MARCHF3: variants seen among roughly 807,000 people sequenced by gnomAD.
MARCHF3 encodes the protein E3 ubiquitin-protein ligase MARCHF3.
In MARCHF3, 13 loss-of-function variants were observed where a neutral mutation model predicts 24.2. That is an observed-to-expected ratio of 0.54 (90% CI 0.35 to 0.85). MARCHF3 has a LOEUF of 0.85. MARCHF3 is among the 40% of genes least tolerant of loss of function. MARCHF3 has a pLI of 0.01. For synonymous variants in MARCHF3, 144 were observed against 137.3 expected, an observed-to-expected ratio of 1.05 and a Z score of -0.34; for missense variants, 276 against 325.0, an observed-to-expected ratio of 0.85 and a Z score of 1.16.
intron 1 of MARCHF3, among the ~76,000 whole-genome samples, chr5:126,935,236 A>G (rs1455298931): frequency 6.6e-6 from 1 of 152,202 alleles, no homozygotes; most frequent in East Asian, 1.9e-4. Context: ...TTTAACATTC[A>G]AATTGATAGG....
chr5:126,896,018 G>A (rs140571133), intron 3 of MARCHF3, among the ~76,000 whole-genome samples: 35 of 152,272 alleles, frequency 2.3e-4, no homozygotes, highest in African/African-American at 7.5e-4. Context: ...CTGGTGCGCC[G>A]TTTTTTAAGC....
At chr5:126,919,688 G>A (rs540916851) in intron 1 of MARCHF3, among the ~76,000 whole-genome samples, 26 of 152,226 alleles carry the variant, frequency 1.7e-4, no homozygotes, top group South Asian at 1.2e-3. Flanking sequence ...CTCCCGACAC[G>A]CACATGTCAA....
At chr5:126,928,026 G>A (rs1749352337) in intron 1 of MARCHF3, among the ~76,000 whole-genome samples, 1 of 152,166 alleles carries the variant, frequency 6.6e-6, no homozygotes, top group Non-Finnish European at 1.5e-5. Flanking sequence ...TAGCAACAGT[G>A]TGAGTGTATT....
At position 126,871,712 on chromosome 5, in the gene MARCHF3, C is replaced by CT. The variant is rs368757054; in HGVS notation, c.604-922dup. ...CTGCTTCAAACTTAAGCCTCTCTCT[C>CT]TTTTTTTTTTTTTTGGATGGAGTCT... On this transcript the variant is annotated intron_variant, in intron 4 of 4. Coordinates refer to ENST00000308660, the MANE Select transcript of MARCHF3 (RefSeq NM_178450.5). Among the ~76,000 whole-genome samples, 1,070 of 143,050 alleles carry CT rather than the reference C, an allele frequency of 7.5e-3. 7 individuals carry two copies. Among genetic ancestry groups the CT allele is most frequent in the Middle Eastern group, 0.034 (9 of 266 alleles). 93.8% of individuals were successfully genotyped at this position (143,050 alleles called of 152,430 possible).
At chr5:126,901,514 C>T (rs1754106556) in intron 3 of MARCHF3, among the ~76,000 whole-genome samples, 1 of 152,128 alleles carries the variant, frequency 6.6e-6, no homozygotes. Context: ...TCTCTCTGCT[C>T]ACTCGTTTAC....
intron 3 of MARCHF3, among the ~76,000 whole-genome samples, chr5:126,913,724 C>T (rs947199883): frequency 6.6e-6 from 1 of 152,210 alleles, no homozygotes; most frequent in African/African-American, 2.4e-5. Context: ...CAAGGTCAAA[C>T]CCAAGAGAAT....
intron 1 of MARCHF3, among the ~76,000 whole-genome samples, chr5:126,937,057 A>G (rs60781824): frequency 0.051 from 7,804 of 152,284 alleles, 372 homozygotes; most frequent in South Asian, 0.14. Context: ...TAATATATAA[A>G]AACTAAATCA....
At chr5:126,917,868 C>T in intron 2 of MARCHF3, 116 bp downstream of exon 2, 1 of 1,017,476 alleles carries the variant, frequency 9.8e-7, no homozygotes, top group Non-Finnish European at 1.4e-6. Context: ...TTTCCAGCAC[C>T]TCCTCTCACC....
intron 3 of MARCHF3, among the ~76,000 whole-genome samples, chr5:126,913,987 T>C (rs936899296): frequency 2.1e-5 from 3 of 143,692 alleles, no homozygotes; most frequent in Non-Finnish European, 1.5e-5. Context: ...TTTTTTTTTT[T>C]TTTTTTTTTT....
chr5:126,961,783 A>G (rs1395886213), intron 1 of MARCHF3, among the ~76,000 whole-genome samples: 1 of 152,210 alleles, frequency 6.6e-6, no homozygotes, highest in Non-Finnish European at 1.5e-5. Flanking sequence ...TTCATTTCTG[A>G]ATGCAATATG....
intron 1 of MARCHF3, among the ~76,000 whole-genome samples, chr5:126,984,551 G>C (rs1751498444): frequency 6.6e-6 from 1 of 152,220 alleles, no homozygotes; most frequent in Admixed American, 6.5e-5. Context: ...GGGCTTCCAG[G>C]GCGGGCCCCT....
In MARCHF3 at chr5:126,890,947, C is replaced by T. The variant is rs1264820159; in HGVS notation, c.394-12553G>A. Among the ~76,000 whole-genome samples, 5 of 149,566 alleles carry T rather than the reference C, an allele frequency of 3.3e-5. No homozygotes were observed. The East Asian group carries it at 9.9e-4, about 30-fold the overall frequency. The stretch of plus-strand genomic sequence containing the variant: ...TATTTCTCCACATCCTCTCCAGCAC[C>T]TGTTGTTTCCTGACTTTTTAATGAT... On this transcript the variant is annotated intron_variant, in intron 3 of 4. Transcript: ENST00000308660.
intron 1 of MARCHF3, among the ~76,000 whole-genome samples, chr5:126,945,754 G>T (rs984137335): frequency 1.3e-5 from 2 of 152,122 alleles, no homozygotes; most frequent in African/African-American, 4.8e-5. Context: ...CTTTCAGCTG[G>T]GTGACAGCAG....
chr5:126,943,581 T>C (rs1410447832), intron 1 of MARCHF3, among the ~76,000 whole-genome samples: 1 of 145,550 alleles, frequency 6.9e-6, no homozygotes, highest in African/African-American at 2.6e-5. Flanking sequence ...AGATCTCATC[T>C]CCAAAAAAAA....
At chr5:126,975,356 TTTAA>T (rs770305482) in intron 1 of MARCHF3, among the ~76,000 whole-genome samples, 5 of 152,242 alleles carry the variant, frequency 3.3e-5, no homozygotes, top group African/African-American at 1.2e-4. Flanking sequence ...TTCTTCTCTT[TTTAA>T]TTGACACAAA....
At chr5:126,935,710 A>C (rs1209822195) in intron 1 of MARCHF3, among the ~76,000 whole-genome samples, 1 of 138,560 alleles carries the variant, frequency 7.2e-6, no homozygotes, top group Non-Finnish European at 1.5e-5. Flanking sequence ...TCCTGGGTTC[A>C]AGCGATTCTC....
chr5:127,001,184 G>A (rs953314105), intron 1 of MARCHF3, among the ~76,000 whole-genome samples: 1 of 151,824 alleles, frequency 6.6e-6, no homozygotes, highest in African/African-American at 2.4e-5. Flanking sequence ...GTTGCAGTGA[G>A]CTGAGATTGT....
chr5:126,982,112 C>T (rs1026111457), intron 1 of MARCHF3, among the ~76,000 whole-genome samples: 2 of 152,144 alleles, frequency 1.3e-5, no homozygotes, highest in East Asian at 1.9e-4. Context: ...AACCTGGTTC[C>T]GCTGTCCAAA....
intron 4 of MARCHF3, among the ~76,000 whole-genome samples, 188 bp downstream of exon 4, chr5:126,877,997 G>C (rs920413632): frequency 1.3e-5 from 2 of 151,132 alleles, no homozygotes; most frequent in Non-Finnish European, 2.9e-5. Flanking sequence ...TAGCAGCACA[G>C]ACACACACAC....
Sources: allele counts gnomAD v4.1 joint callset (sites outside exome capture counted in the v4.1 genomes callset), GRCh38; gene constraint gnomAD v4.1.1; transcripts MANE v1.5; gene names NCBI Gene and HGNC (gene_info 2026-07-23, HGNC 2026-07-21).